MACROD2: variants seen among roughly 807,000 people sequenced by gnomAD.
MACROD2 encodes mono-ADP ribosylhydrolase 2, also known as ADP-ribose glycohydrolase MACROD2.
Under a neutral mutation model 70.4 loss-of-function variants are expected in MACROD2, and 36 were observed. The ratio of observed to expected loss-of-function variants is 0.51; its 90% CI spans 0.39 to 0.68. The LOEUF (loss-of-function observed/expected upper bound fraction) is 0.68, where lower values mean the gene tolerates loss of function less well. Among genes scored for constraint, MACROD2 ranks in the 30% least tolerant of loss-of-function variants. MACROD2 has a pLI of 0.00. For missense variants in MACROD2, 496 were observed against 538.4 expected, an observed-to-expected ratio of 0.92 and a Z score of 0.78; for synonymous variants, 172 against 178.8, an observed-to-expected ratio of 0.96 and a Z score of 0.30.
At chr20:14,822,827 A>T (rs1455134644) in intron 5 of MACROD2, among the ~76,000 whole-genome samples, 1 of 152,078 alleles carries the variant, frequency 6.6e-6, no homozygotes, top group Non-Finnish European at 1.5e-5. Flanking sequence ...TCTCCCATCC[A>T]TGTCATTAGT....
At chr20:15,011,677 C>G (rs965678269) in intron 5 of MACROD2, among the ~76,000 whole-genome samples, 9 of 152,094 alleles carry the variant, frequency 5.9e-5, no homozygotes, top group Non-Finnish European at 1.3e-4. Context: ...TAGCCCTTCC[C>G]CTCTCTCTCC....
At chr20:15,992,856 C>G (rs1056491630) in intron 15 of MACROD2, among the ~76,000 whole-genome samples, 5 of 152,126 alleles carry the variant, frequency 3.3e-5, no homozygotes, top group African/African-American at 4.8e-5. Flanking sequence ...AAATATTGAG[C>G]TTTTTACTCC....
chr20:15,733,147 T>C (rs1472845254), intron 8 of MACROD2, among the ~76,000 whole-genome samples: 1 of 152,082 alleles, frequency 6.6e-6, no homozygotes, highest in African/African-American at 2.4e-5. Flanking sequence ...GGGCATAGAG[T>C]TTTTCATAGT....
intron 3 of MACROD2, among the ~76,000 whole-genome samples, chr20:14,185,752 C>A (rs986459797): frequency 2.0e-5 from 3 of 152,092 alleles, no homozygotes; most frequent in Admixed American, 2.0e-4. Flanking sequence ...ATGAGCTAAT[C>A]TTTTTAACTT....
chr20:15,567,421 C>A (rs926827836), intron 8 of MACROD2, among the ~76,000 whole-genome samples: 1 of 152,150 alleles, frequency 6.6e-6, no homozygotes, highest in African/African-American at 2.4e-5. Flanking sequence ...TGTGGCTCAG[C>A]ACTTGAGATG....
intron 12 of MACROD2, among the ~76,000 whole-genome samples, chr20:15,965,290 C>T (rs1448156283): frequency 6.6e-6 from 1 of 152,078 alleles, no homozygotes; most frequent in Non-Finnish European, 1.5e-5. Context: ...AACTTATTTG[C>T]TAAAGACACA....
intron 8 of MACROD2, among the ~76,000 whole-genome samples, chr20:15,615,709 A>G (rs764623269): frequency 6.6e-6 from 1 of 152,042 alleles, no homozygotes; most frequent in Non-Finnish European, 1.5e-5. Flanking sequence ...TCCCAATTCC[A>G]CTTTGAAGCC....
At chr20:15,114,562 C>T (rs1195668807) in intron 5 of MACROD2, among the ~76,000 whole-genome samples, 2 of 152,060 alleles carry the variant, frequency 1.3e-5, no homozygotes, top group African/African-American at 2.4e-5. Context: ...AAGAGAACTC[C>T]AAGCTCCAAA....
intron 2 of MACROD2, among the ~76,000 whole-genome samples, chr20:14,057,859 G>A (rs2053648367): frequency 6.6e-6 from 1 of 152,184 alleles, no homozygotes; most frequent in Non-Finnish European, 1.5e-5. Context: ...TGCATGAATT[G>A]CGGCCCCGTG....
intron 3 of MACROD2, among the ~76,000 whole-genome samples, chr20:14,292,315 A>G (rs2082393531): frequency 6.6e-6 from 1 of 151,838 alleles, no homozygotes. Flanking sequence ...GTCTGAAGAT[A>G]TTTTTAATTA....
chr20:15,242,206 T>C (rs1328913110), intron 6 of MACROD2, among the ~76,000 whole-genome samples: 2 of 152,202 alleles, frequency 1.3e-5, no homozygotes, highest in Non-Finnish European at 2.9e-5. Context: ...TGAGAAACTA[T>C]AGGCGGACCT....
At chr20:15,431,838 A>T (rs2046367228) in intron 7 of MACROD2, among the ~76,000 whole-genome samples, 1 of 152,076 alleles carries the variant, frequency 6.6e-6, no homozygotes. Context: ...ATGCATACAT[A>T]TGCATATATC....
chr20:14,716,574 T>C (rs1299811335), intron 5 of MACROD2, among the ~76,000 whole-genome samples: 1 of 152,188 alleles, frequency 6.6e-6, no homozygotes, highest in Non-Finnish European at 1.5e-5. Context: ...TCCCACCTTT[T>C]CCCCTTTCTT....
chr20:15,306,163 C>G (rs111531945), intron 6 of MACROD2, among the ~76,000 whole-genome samples: 1 of 152,164 alleles, frequency 6.6e-6, no homozygotes, highest in Non-Finnish European at 1.5e-5. Context: ...TATTACCTGA[C>G]AGTGTTTCTG....
chr20:15,386,941 C>T (rs2045721525), intron 6 of MACROD2, among the ~76,000 whole-genome samples: 1 of 152,182 alleles, frequency 6.6e-6, no homozygotes, highest in African/African-American at 2.4e-5. Flanking sequence ...ACCTCATTTT[C>T]AAATCCTTTT....
chr20:15,993,407 C>T (rs2066585789), intron 15 of MACROD2, among the ~76,000 whole-genome samples: 1 of 151,962 alleles, frequency 6.6e-6, no homozygotes, highest in South Asian at 2.1e-4. Flanking sequence ...CATACAAATA[C>T]TTACCATTGT....
rs552273112 is a variant in MACROD2, at chr20:15,427,002, C to G, written c.541-4403C>G. On this transcript the variant is annotated intron_variant, in intron 6 of 17. Transcript: ENST00000684519. The stretch of plus-strand genomic sequence containing the variant: ...ACTTGCTCTTTCTCAATCTCTCTCT[C>G]CCTGTCTCTCTCTGTCTGTCTGTCT... 6.1e-5 allele frequency among the ~76,000 whole-genome samples: 9 copies of G among 148,634 alleles called. No homozygotes were observed. In the South Asian group the frequency reaches 1.9e-3, roughly 31 times the overall value.
At chr20:16,033,830 A>G (rs571965491) in intron 15 of MACROD2, among the ~76,000 whole-genome samples, 1 of 148,168 alleles carries the variant, frequency 6.7e-6, no homozygotes, top group Admixed American at 6.9e-5. Context: ...AGCAGACTTG[A>G]GGTTCAGAAC....
intron 2 of MACROD2, among the ~76,000 whole-genome samples, chr20:14,053,921 A>G (rs186721234): frequency 1.3e-5 from 2 of 152,158 alleles, no homozygotes; most frequent in Admixed American, 1.3e-4. Context: ...ATTTTTTTCT[A>G]TTAAATGTTG....
Sources: gnomAD v4.1 joint callset for allele counts (sites outside exome capture counted in the v4.1 genomes callset) on GRCh38, gnomAD v4.1.1 for gene constraint, MANE v1.5 for transcripts, NCBI Gene and HGNC (gene_info 2026-07-23, HGNC 2026-07-21) for gene names.